The following NAV2 variants were observed in gnomAD, a reference collection of about 807,000 sequenced individuals.
The protein encoded by NAV2 is helicase, APC down-regulated 1.
NAV2 carries 54 observed loss-of-function variants against 223.2 expected under a neutral mutation model. The observed-to-expected ratio is 0.24, with a 90% confidence interval of 0.19 to 0.30. The LOEUF (loss-of-function observed/expected upper bound fraction) is 0.30. NAV2 is among the 10% of genes least tolerant of loss of function. NAV2 has a pLI of 1.00. For synonymous variants in NAV2, 1,279 were observed against 1,239.3 expected (o/e 1.03, Z -0.67); for missense variants, 2,806 against 3,147.5 (o/e 0.89, Z 2.60).
At chr11:19,402,527 T>C (rs1166465812) in intron 1 of NAV2, among the ~76,000 whole-genome samples, 3 of 152,252 alleles carry the variant, frequency 2.0e-5, no homozygotes, top group South Asian at 2.1e-4. Flanking sequence ...ATTGCACTTA[T>C]AGTGTAATTT....
At chr11:20,025,548 G>A (rs1251260733) in intron 11 of NAV2, among the ~76,000 whole-genome samples, 4 of 152,124 alleles carry the variant, frequency 2.6e-5, no homozygotes, top group Non-Finnish European at 4.4e-5. Flanking sequence ...TTTGGTCTGG[G>A]CTTTCTAACG....
At chr11:19,895,104 C>CTTTTTTTTTTTTTTTTTTTTTTTT (rs71050690) in intron 6 of NAV2, among the ~76,000 whole-genome samples, 4 of 99,208 alleles carry the variant, frequency 4.0e-5, no homozygotes, top group Non-Finnish European at 5.6e-5. Context: ...CTTTTTCTTT[C>CTTTTTTTTTTTTTTTTTTTTTTTT]TTTTTTTTTT....
chr11:19,603,126 A>G (rs2046391019), intron 1 of NAV2, among the ~76,000 whole-genome samples: 2 of 152,230 alleles, frequency 1.3e-5, no homozygotes, highest in African/African-American at 2.4e-5. Flanking sequence ...CATGTCACGT[A>G]GTAGCTTTGC....
At chr11:19,590,182 G>A (rs1038967391) in intron 1 of NAV2, among the ~76,000 whole-genome samples, 2 of 152,200 alleles carry the variant, frequency 1.3e-5, no homozygotes, top group African/African-American at 4.8e-5. Flanking sequence ...ATTAGATGAG[G>A]TAATGCATGT....
At chr11:19,715,969 C>T (rs1474874073) in intron 1 of NAV2, among the ~76,000 whole-genome samples, 4 of 152,196 alleles carry the variant, frequency 2.6e-5, no homozygotes, top group Non-Finnish European at 4.4e-5. Flanking sequence ...CCTGTCTGCA[C>T]AGCTGACATC....
intron 1 of NAV2, among the ~76,000 whole-genome samples, chr11:19,675,973 C>A (rs1434724331): frequency 6.6e-6 from 1 of 152,046 alleles, no homozygotes; most frequent in African/African-American, 2.4e-5. Flanking sequence ...ATTGTTATAC[C>A]CATTTTACAG....
chr11:19,983,957 A>G (rs568823498), intron 10 of NAV2, among the ~76,000 whole-genome samples, 168 bp from the exon 11 acceptor site: 1 of 152,180 alleles, frequency 6.6e-6, no homozygotes, highest in Non-Finnish European at 1.5e-5. Flanking sequence ...AGGTTGGATC[A>G]GCAGCTGAGT....
At chr11:19,472,638 A>T (rs569444410) in intron 1 of NAV2, among the ~76,000 whole-genome samples, 1 of 152,196 alleles carries the variant, frequency 6.6e-6, no homozygotes, top group East Asian at 1.9e-4. Flanking sequence ...AGAAGATTAA[A>T]TGGGATGATA....
intron 11 of NAV2, among the ~76,000 whole-genome samples, chr11:20,012,450 T>C (rs1239953053): frequency 6.6e-6 from 1 of 151,294 alleles, no homozygotes; most frequent in Non-Finnish European, 1.5e-5. Flanking sequence ...CCGAGGCAGG[T>C]GGATCACCTG....
rs752476409 is a variant in NAV2, at chr11:19,933,350, C to A, written c.1106C>A (p.Ala369Asp). Reference protein sequence around the residue: ...RSKSLSVKHSATVSMLSVKPP... With the variant: ...RSKSLSVKHSDTVSMLSVKPP... ...AAATCCCTCAGCGTGAAGCACAGTG[C>A]CACGGTATCCATGCTCTCGGTCAAG... Residue 369 changes from alanine to aspartate, a missense_variant, in exon 7 of 38, where the codon GCC becomes GAC. Transcript: ENST00000349880. This position sits in a 1 kb window ranked among gnomAD's most constrained non-coding sequence, Gnocchi z 4.3. The A allele has an allele frequency of 1.2e-6, 2 of 1,605,666 alleles. No individual in the cohort carries two copies. Among genetic ancestry groups the A allele is most frequent in the Non-Finnish European group, 1.7e-6 (2 of 1,175,454 alleles).
At chr11:19,622,397 C>G (rs1235909890) in intron 1 of NAV2, among the ~76,000 whole-genome samples, 1 of 152,160 alleles carries the variant, frequency 6.6e-6, no homozygotes, top group Non-Finnish European at 1.5e-5. Flanking sequence ...GTCTAAGTCT[C>G]TTTGTAGGTC....
At chr11:19,999,321 C>A (rs138522584) in intron 11 of NAV2, among the ~76,000 whole-genome samples, 7,487 of 152,352 alleles carry the variant, frequency 0.049, 366 homozygotes, top group Admixed American at 0.085. Context: ...TCAGGAACTT[C>A]TCTTGTGGGA....
chr11:20,053,024 CT>C (rs1459403549), intron 17 of NAV2, among the ~76,000 whole-genome samples: 4 of 151,888 alleles, frequency 2.6e-5, no homozygotes, highest in Non-Finnish European at 5.9e-5. Flanking sequence ...CAAGACCAGC[CT>C]GGCCAACATG....
intron 2 of NAV2, among the ~76,000 whole-genome samples, chr11:19,838,743 C>A (rs981359730): frequency 6.6e-6 from 1 of 152,184 alleles, no homozygotes; most frequent in South Asian, 2.1e-4. Flanking sequence ...CCCACCTCAG[C>A]CTCCCGAGTA....
intron 1 of NAV2, among the ~76,000 whole-genome samples, chr11:19,406,485 T>C (rs1234531798): frequency 1.3e-5 from 2 of 151,984 alleles, no homozygotes; most frequent in Non-Finnish European, 2.9e-5. Context: ...AGTCATGGGG[T>C]AGACAGAGCC....
chr11:20,013,432 C>G (rs1418089122), intron 11 of NAV2, among the ~76,000 whole-genome samples: 1 of 151,854 alleles, frequency 6.6e-6, no homozygotes, highest in Non-Finnish European at 1.5e-5. Context: ...GCTAGCCTTC[C>G]CGCTAGGCAA....
At chr11:19,838,876 G>C (rs563374005) in intron 2 of NAV2, among the ~76,000 whole-genome samples, 2 of 152,244 alleles carry the variant, frequency 1.3e-5, no homozygotes, top group Non-Finnish European at 2.9e-5. Flanking sequence ...TGCCCACCTC[G>C]GCCTCCCAAA....
At chr11:19,349,543 G>C (rs1383335862), upstream of NAV2, among the ~76,000 whole-genome samples, 3 of 152,168 alleles carry the variant, frequency 2.0e-5, no homozygotes, top group East Asian at 5.8e-4. Flanking sequence ...AGCTCTCCCG[G>C]AGGCTGGCAT....
rs148705835 is a variant in NAV2, at chr11:19,407,545, G to A, written c.75+56518G>A. Among the ~76,000 whole-genome samples the A allele has an allele frequency of 2.2e-3, 337 of 152,286 alleles. 4 individuals carry two copies. Among genetic ancestry groups the A allele is most frequent in the African/African-American group, 7.5e-3 (312 of 41,562 alleles). On this transcript the variant is annotated intron_variant, in intron 1 of 37. Coordinates refer to the NAV2 transcript ENST00000360655. ...TTGTAAGCATGCGGAAGAGTTTGAC[G>A]TTCACCAGTGGACAATGGGATTTGC...
Sources: allele counts gnomAD v4.1 joint callset (sites outside exome capture counted in the v4.1 genomes callset), GRCh38; gene constraint gnomAD v4.1.1; non-coding constraint Gnocchi (gnomAD v3.1); transcripts MANE v1.5; gene names NCBI Gene and HGNC (gene_info 2026-07-23, HGNC 2026-07-21).